The following CLCN1 variants were observed in gnomAD, a reference collection of about 807,000 sequenced individuals.
The protein encoded by CLCN1 is chloride voltage-gated channel 1.
In CLCN1, 100 loss-of-function variants were observed where a neutral mutation model predicts 114.5. That is an observed-to-expected ratio of 0.87 (90% CI 0.74 to 1.03). The LOEUF (loss-of-function observed/expected upper bound fraction) is 1.03, where lower values mean the gene tolerates loss of function less well. Ranked by LOEUF, CLCN1 falls within the 50% of genes least tolerant of loss-of-function variation. The pLI, the probability that CLCN1 is intolerant of heterozygous loss-of-function variation, is 0.00. For missense variants in CLCN1, 1,188 were observed against 1,250.0 expected (o/e 0.95, Z 0.75); for synonymous variants, 485 against 487.1 (o/e 1.00, Z 0.06).
rs777097053 is a variant in CLCN1 at position 143,321,394 on chromosome 7, C to T, written c.463C>T (p.Pro155Ser). ...CAAGTGGTCCTACGCGCAGATGCAG[C>T]CCAGCCTTCCTCTGCAGTTCCTGGT... ...AYKWSYAQMQ[P>S]SLPLQFLVWV... The change falls in exon 4 of 23, where the codon CCC becomes TCC. Residue 155 changes from proline (P) to serine (S), a missense_variant. Coordinates refer to ENST00000343257, the MANE Select transcript of CLCN1 (RefSeq NM_000083.3). The surrounding 1 kb of genome is among the most constrained non-coding windows in gnomAD (Gnocchi z 4.2). 1.2e-6 allele frequency: 2 copies of T among 1,614,204 alleles called. No homozygotes were observed. The highest frequency in any genetic ancestry group is 1.7e-5 in the Admixed American group (1 of 60,034).
At chr7:143,320,621 G>A (rs370481122) in intron 2 of CLCN1, 43 bp from the exon 3 acceptor site, 2 of 1,482,406 alleles carry the variant, frequency 1.3e-6, no homozygotes, top group East Asian at 2.3e-5. Flanking sequence ...TTGTTTGTTT[G>A]TTTGTTGTTT....
chr7:143,328,874 C>T (rs1471145590), intron 7 of CLCN1, among the ~76,000 whole-genome samples: 1 of 152,088 alleles, frequency 6.6e-6, no homozygotes, highest in Non-Finnish European at 1.5e-5. Context: ...CTGTCCTTTC[C>T]TCTCCTCCCC....
Position 143,342,384 on chromosome 7 carries a change from CT to C in CLCN1, c.1812del (p.Phe604LeufsTer10). ...GWNQLSKYTI[F>X]VEDIMVRDVK... ...TCTCCCTCCATAGCAAATATACCAT[CT>C]TTGTTGAGGACATCATGGTACGTGA... On this transcript the variant is annotated frameshift_variant, in exon 16 of 23. Transcript: ENST00000343257. LOFTEE classifies it high-confidence loss of function. 1 of 1,614,152 alleles carries C rather than the reference CT, an allele frequency of 6.2e-7. No individual in the cohort carries two copies. Among genetic ancestry groups the C allele is most frequent in the Non-Finnish European group, 8.5e-7 (1 of 1,179,984 alleles).
In CLCN1 at chr7:143,351,932, A is replaced by G. The variant is rs771081658; in HGVS notation, c.2934A>G (p.Thr978=). 6.2e-7 allele frequency: 1 copy of G among 1,613,458 alleles called. No homozygotes were observed. Among genetic ancestry groups the G allele is most frequent in the South Asian group, 1.1e-5 (1 of 91,054 alleles). Residue 978 remains threonine (T), a synonymous_variant, in exon 23 of 23, where the codon ACA becomes ACG. Transcript: ENST00000343257. ...DILQGPSLRS[T]DEEDEDELIL ...TGCAGGGCCCCAGCCTGCGATCCAC[A>G]GACGAGGAGGATGAGGATGAACTGA...
At chr7:143,317,862 C>A (rs1284795168) in intron 1 of CLCN1, among the ~76,000 whole-genome samples, 1 of 152,016 alleles carries the variant, frequency 6.6e-6, no homozygotes, top group African/African-American at 2.4e-5. Flanking sequence ...GGAGGGAAGA[C>A]CCCTCCCCCT....
chr7:143,342,443 G>C lies in CLCN1; in HGVS notation c.1868G>C (p.Gly623Ala), dbSNP rs1484994164. The part of the protein sequence containing the change: ...VKFVSASYTY[G>A]ELRTLLQTTT... ...TTTGTTTCAGCTTCTTACACATATG[G>C]GGAGTTGCGAACCCTGCTCCAGACC... Residue 623 changes from glycine to alanine, a missense_variant, in exon 16 of 23, where the codon GGG becomes GCG. Gly to Ala is a moderately conservative substitution (Grantham distance 60, BLOSUM62 0). Transcript: ENST00000343257. 1.9e-6 allele frequency: 3 copies of C among 1,614,024 alleles called. No homozygotes were observed. The highest frequency in any genetic ancestry group is 1.7e-5 in the Admixed American group (1 of 60,018).
At chr7:143,331,352 G>A (rs777878103) in intron 9 of CLCN1, 36 bp downstream of exon 9, 42 of 1,475,640 alleles carry the variant, frequency 2.8e-5, no homozygotes, top group Non-Finnish European at 3.6e-5. Context: ...GTGGTGAGCA[G>A]GGTGTGGAGT....
intron 12 of CLCN1, among the ~76,000 whole-genome samples, chr7:143,338,218 T>C (rs1482267973): frequency 6.6e-6 from 1 of 152,192 alleles, no homozygotes; most frequent in African/African-American, 2.4e-5. Context: ...ATTGGAGTTC[T>C]AGCTTACAAA....
chr7:143,339,484 C>A lies in CLCN1; in HGVS notation c.1472-27C>A, dbSNP rs769628608. On this transcript the variant is annotated intron_variant, in intron 13 of 22. Transcript: ENST00000343257. This position sits in a 1 kb window ranked among gnomAD's most constrained non-coding sequence, Gnocchi z 4.1. ...AGCAAGGAACTTGGATCTCGTAACA[C>A]CTTCCTTCCTTTTATCTTCCCTCTA... The A allele has an allele frequency of 1.3e-6, 2 of 1,559,310 alleles. No individual in the cohort carries two copies. Among genetic ancestry groups the A allele is most frequent in the Non-Finnish European group, 1.8e-6 (2 of 1,129,866 alleles).
At chr7:143,347,095 T>C in intron 20 of CLCN1, 146 bp downstream of exon 20, 1 of 785,292 alleles carries the variant, frequency 1.3e-6, no homozygotes, top group Non-Finnish European at 2.3e-6. Context: ...ATAAGGATGA[T>C]TATGGAGAGA....
intron 1 of CLCN1, among the ~76,000 whole-genome samples, chr7:143,318,417 T>A (rs1802345080): frequency 6.6e-6 from 1 of 152,170 alleles, no homozygotes; most frequent in African/African-American, 2.4e-5. Flanking sequence ...GAGACGAGGT[T>A]TCTCCATGTT....
rs892438365 is a variant in CLCN1, at chr7:143,316,151, A to G, written c.-62A>G. 2 of 1,363,578 alleles carry G rather than the reference A, an allele frequency of 1.5e-6. No individual in the cohort carries two copies. The highest frequency in any genetic ancestry group is 2.8e-5 in the African/African-American group (2 of 70,410). 84.5% of individuals were successfully genotyped at this position (1,363,578 alleles called of 1,614,324 possible). On this transcript the variant is annotated 5_prime_UTR_variant, in exon 1 of 23. Coordinates refer to ENST00000343257, the MANE Select transcript of CLCN1 (RefSeq NM_000083.3). ...AGCAAGAGCAGAGGCTTAAGGAGCTACACTGGGGGAAGGACAGGGGCAAGC... is the reference window on the plus strand; with the variant it reads ...AGCAAGAGCAGAGGCTTAAGGAGCTGCACTGGGGGAAGGACAGGGGCAAGC...
In CLCN1 at chr7:143,321,222, C is replaced by A; in HGVS notation, c.434-143C>A. 3.1e-6 allele frequency: 3 copies of A among 981,470 alleles called. No homozygotes were observed. The South Asian group carries it at 4.1e-5, about 14-fold the overall frequency. The allele number at this position is 981,470 out of a possible 1,614,324, so 60.8% of individuals were successfully genotyped here. A position where few individuals can be genotyped will look rare whatever the true frequency, so the allele number is the denominator to read the frequency against. Reference sequence around the variant, plus strand: ...TGTCGCCTCCATAACTCAGGCTTCCCATGTGTCAAATGAGAGCAGCACCAT... The same window carrying A: ...TGTCGCCTCCATAACTCAGGCTTCCAATGTGTCAAATGAGAGCAGCACCAT... On this transcript the variant is annotated intron_variant, in intron 3 of 22. Coordinates refer to ENST00000343257, the MANE Select transcript of CLCN1 (RefSeq NM_000083.3). The surrounding 1 kb of genome is among the most constrained non-coding windows in gnomAD (Gnocchi z 4.2).
intron 2 of CLCN1, 91 bp from the exon 3 acceptor site, chr7:143,320,573 C>A: frequency 1.1e-5 from 10 of 940,418 alleles, no homozygotes; most frequent in Admixed American, 6.4e-5. Flanking sequence ...CTCTCTCTCT[C>A]TCTCTCTCTC....
At chr7:143,349,851 G>T (rs995987398) in intron 20 of CLCN1, among the ~76,000 whole-genome samples, 2 of 152,172 alleles carry the variant, frequency 1.3e-5, no homozygotes, top group African/African-American at 2.4e-5. Context: ...GAAAAGGTGA[G>T]ACCAGCTAAT....
intron 7 of CLCN1, among the ~76,000 whole-genome samples, chr7:143,327,178 G>A (rs979935583): frequency 1.3e-5 from 2 of 151,766 alleles, no homozygotes; most frequent in Admixed American, 6.6e-5. Flanking sequence ...CCTGGGAGGT[G>A]GAGGTTGTAG....
At chr7:143,348,653 C>CA (rs1021784179) in intron 20 of CLCN1, among the ~76,000 whole-genome samples, 1 of 151,528 alleles carries the variant, frequency 6.6e-6, no homozygotes, top group African/African-American at 2.4e-5. Flanking sequence ...TGATATTGAC[C>CA]AAAAAAACAG....
At chr7:143,317,431 T>C (rs1233768094) in intron 1 of CLCN1, among the ~76,000 whole-genome samples, 1 of 151,972 alleles carries the variant, frequency 6.6e-6, no homozygotes, top group Non-Finnish European at 1.5e-5. Context: ...GTACTTTCAG[T>C]AGAGACGGGG....
rs776457257 is a variant in CLCN1, at chr7:143,331,259, A to G, written c.1007A>G (p.Asn336Ser). The G allele has an allele frequency of 1.2e-6, 2 of 1,613,690 alleles. No homozygotes were observed. Among genetic ancestry groups the G allele is most frequent in the East Asian group, 2.2e-5 (1 of 44,876 alleles). ...AVTITALFRTNFRMDFPFDLK... is the reference protein window; with the variant it reads ...AVTITALFRTSFRMDFPFDLK... Reference sequence around the variant, plus strand: ...ACCATCACTGCTCTGTTCAGAACCAATTTCCGAATGGATTTCCCCTTTGAC... The same window carrying G: ...ACCATCACTGCTCTGTTCAGAACCAGTTTCCGAATGGATTTCCCCTTTGAC... The change falls in exon 9 of 23, where the codon AAT becomes AGT. Residue 336 changes from asparagine to serine, a missense_variant. By Grantham distance (46) the Asn-to-Ser change is conservative. Transcript: ENST00000343257.
Sources: gnomAD v4.1 joint callset for allele counts (sites outside exome capture counted in the v4.1 genomes callset) on GRCh38, gnomAD v4.1.1 for gene constraint, Gnocchi (gnomAD v3.1) non-coding constraint, MANE v1.5 for transcripts, NCBI Gene and HGNC (gene_info 2026-07-23, HGNC 2026-07-21) for gene names.